The following PCNX1 variants were observed in gnomAD, a reference collection of about 807,000 sequenced individuals.
The protein encoded by PCNX1 is pecanex-like protein 1.
PCNX1 carries 78 observed loss-of-function variants against 242.2 expected under a neutral mutation model. That is an observed-to-expected ratio of 0.32 (90% confidence interval 0.27 to 0.39). The LOEUF is 0.39. PCNX1 is among the 10% of genes least tolerant of loss of function. The pLI is 1.00. For synonymous variants in PCNX1, 1,024 were observed against 1,032.9 expected, an observed-to-expected ratio of 0.99 and a Z score of 0.17; for missense variants, 2,581 against 2,856.5, an observed-to-expected ratio of 0.90 and a Z score of 2.20.
chr14:71,047,208 G>C, intron 21 of PCNX1, 103 bp downstream of exon 21: 1 of 675,864 alleles, frequency 1.5e-6, no homozygotes. Flanking sequence ...CTTCATGCAA[G>C]GCACTGTGAG....
chr14:71,096,491 A>G (rs570355823), intron 30 of PCNX1, among the ~76,000 whole-genome samples: 2 of 152,310 alleles, frequency 1.3e-5, no homozygotes, highest in African/African-American at 4.8e-5. Context: ...AGGTAGAAAA[A>G]TAAATTACTA....
intron 27 of PCNX1, among the ~76,000 whole-genome samples, chr14:71,074,266 T>C (rs1566777556): frequency 2.6e-5 from 4 of 152,208 alleles, no homozygotes; most frequent in Non-Finnish European, 5.9e-5. Flanking sequence ...ACTGCTTTCA[T>C]TCAACAAACT....
At chr14:71,080,630 A>G (rs2061830812) in intron 28 of PCNX1, among the ~76,000 whole-genome samples, 1 of 152,124 alleles carries the variant, frequency 6.6e-6, no homozygotes, top group Admixed American at 6.5e-5. Context: ...TTCTCTTTGT[A>G]GCAATTGTGA....
chr14:70,989,107 A>G (rs1051358089), intron 7 of PCNX1, among the ~76,000 whole-genome samples: 3 of 152,128 alleles, frequency 2.0e-5, no homozygotes, highest in Admixed American at 1.3e-4. Context: ...AGGAATAACA[A>G]ATAATTCACT....
At chr14:71,052,606 CATT>C (rs1236357324) in intron 24 of PCNX1, among the ~76,000 whole-genome samples, 2 of 152,104 alleles carry the variant, frequency 1.3e-5, no homozygotes, top group East Asian at 1.9e-4. Context: ...AATTATTTCA[CATT>C]AATAATACTC....
intron 30 of PCNX1, among the ~76,000 whole-genome samples, chr14:71,089,867 TA>T (rs1456566809): frequency 6.6e-6 from 1 of 152,204 alleles, no homozygotes; most frequent in African/African-American, 2.4e-5. Flanking sequence ...CAAGATATAT[TA>T]AATCTTTAAA....
intron 1 of PCNX1, among the ~76,000 whole-genome samples, chr14:70,923,648 G>A (rs1220365754): frequency 6.6e-6 from 1 of 152,114 alleles, no homozygotes; most frequent in Non-Finnish European, 1.5e-5. Flanking sequence ...CCATACTAGT[G>A]TATATACTGG....
intron 26 of PCNX1, among the ~76,000 whole-genome samples, chr14:71,064,286 T>C (rs181472689): frequency 1.2e-3 from 179 of 152,286 alleles, no homozygotes; most frequent in Middle Eastern, 3.4e-3. Flanking sequence ...GCTATAATTA[T>C]TGACTTCATT....
chr14:70,980,719 A>G (rs1376560864), intron 6 of PCNX1, among the ~76,000 whole-genome samples: 1 of 152,120 alleles, frequency 6.6e-6, no homozygotes, highest in African/African-American at 2.4e-5. Context: ...AATACTGTTT[A>G]AAGATACTTG....
chr14:71,022,904 C>T (rs2060142949), intron 12 of PCNX1, among the ~76,000 whole-genome samples: 1 of 152,026 alleles, frequency 6.6e-6, no homozygotes, highest in Non-Finnish European at 1.5e-5. Context: ...ATAAGCCAAA[C>T]AGTAAGATGG....
intron 31 of PCNX1, 46 bp from the exon 32 acceptor site, chr14:71,103,349 T>C (rs1401098743): frequency 6.3e-7 from 1 of 1,591,726 alleles, no homozygotes; most frequent in East Asian, 2.2e-5. Context: ...TCTGTGAATT[T>C]TATTCTTGGC....
intron 24 of PCNX1, among the ~76,000 whole-genome samples, chr14:71,052,769 AG>A (rs2061075188): frequency 6.6e-6 from 1 of 152,194 alleles, no homozygotes; most frequent in South Asian, 2.1e-4. Context: ...TTGTGCATGA[AG>A]TATTTTCTCC....
At chr14:70,917,500 A>G (rs1417072091) in intron 1 of PCNX1, among the ~76,000 whole-genome samples, 1 of 152,226 alleles carries the variant, frequency 6.6e-6, no homozygotes, top group Non-Finnish European at 1.5e-5. Flanking sequence ...TTGGATAACT[A>G]GGTACCATGT....
intron 28 of PCNX1, among the ~76,000 whole-genome samples, chr14:71,087,424 TG>T (rs1337101146): frequency 6.6e-6 from 1 of 152,236 alleles, no homozygotes; most frequent in Admixed American, 6.5e-5. Flanking sequence ...GTTCCCCTAT[TG>T]TATTTATAAG....
intron 30 of PCNX1, among the ~76,000 whole-genome samples, chr14:71,100,462 A>G (rs554114482): frequency 2.4e-4 from 37 of 152,310 alleles, no homozygotes; most frequent in African/African-American, 8.2e-4. Context: ...GAAGTTTACT[A>G]TTAACCTGAT....
intron 8 of PCNX1, among the ~76,000 whole-genome samples, chr14:71,001,340 A>T (rs2059501005): frequency 6.6e-6 from 1 of 152,156 alleles, no homozygotes; most frequent in African/African-American, 2.4e-5. Context: ...TTTGATATAT[A>T]CTGTTAATGG....
rs77538677 is a variant in PCNX1, at chr14:71,088,879, A to G, written c.5439-313A>G. Among the ~76,000 whole-genome samples the G allele has an allele frequency of 9.0e-3, 1,369 of 152,344 alleles. 10 individuals are homozygous for G. Among genetic ancestry groups the G allele is most frequent in the Non-Finnish European group, 0.012 (844 of 68,030 alleles). ...TCCAAATGAATCAGAATTAAGAAAT[A>G]CCACATATTTTAAATTTTTTTCTGT... On this transcript the variant is annotated intron_variant, in intron 29 of 35. Coordinates refer to ENST00000304743, the MANE Select transcript of PCNX1 (RefSeq NM_014982.3).
At chr14:70,929,446 G>A (rs1457833503) in intron 1 of PCNX1, among the ~76,000 whole-genome samples, 1 of 152,030 alleles carries the variant, frequency 6.6e-6, no homozygotes, top group Non-Finnish European at 1.5e-5. Context: ...TCATCCAGTT[G>A]TTTTTCTTGT....
chr14:71,109,851 C>CAA lies in PCNX1; in HGVS notation c.6943_6944dup (p.Ala2316ArgfsTer13), dbSNP rs1224819799. On this transcript the variant is annotated frameshift_variant, in exon 36 of 36. Transcript: ENST00000304743. LOFTEE classifies it high-confidence loss of function. ...ATCCAGGTACCAGATCCCACATCGA[C>CAA]AAGGCAGTGCTTCTGGTCCAGATTG... 1 of 1,612,564 alleles carries CAA rather than the reference C, an allele frequency of 6.2e-7. No individual in the cohort carries two copies. The highest frequency in any genetic ancestry group is 1.1e-5 in the South Asian group (1 of 91,042).
Sources: allele counts gnomAD v4.1 joint callset (sites outside exome capture counted in the v4.1 genomes callset), GRCh38; gene constraint gnomAD v4.1.1; transcripts MANE v1.5; gene names NCBI Gene and HGNC (gene_info 2026-07-23, HGNC 2026-07-21).